GHR: variants seen among roughly 807,000 people sequenced by gnomAD.
GHR encodes the protein growth hormone receptor.
GHR carries 35 observed loss-of-function variants against 67.1 expected under a neutral mutation model. The observed-to-expected ratio is 0.52, with a 90% CI of 0.40 to 0.69. GHR has a LOEUF of 0.69. GHR is among the 30% of genes least tolerant of loss of function. The pLI, the probability that GHR is intolerant of heterozygous loss-of-function variation, is 0.00. For synonymous variants in GHR, 272 were observed against 269.1 expected, an observed-to-expected ratio of 1.01 and a Z score of -0.10; for missense variants, 792 against 764.6, an observed-to-expected ratio of 1.04 and a Z score of -0.42.
At chr5:42,468,034 A>G (rs1744813525) in intron 1 of GHR, 1 of 816,826 alleles carries the variant, frequency 1.2e-6, no homozygotes, top group Middle Eastern at 2.3e-4. Flanking sequence ...CTTAAGGATC[A>G]GCTTTCTGGA....
chr5:42,531,368 C>T (rs1281108466), intron 1 of GHR, among the ~76,000 whole-genome samples: 1 of 152,014 alleles, frequency 6.6e-6, no homozygotes, highest in Non-Finnish European at 1.5e-5. Context: ...ATGGTTAGAA[C>T]TTATGAGTAG....
intron 1 of GHR, chr5:42,466,851 A>G (rs1744754363): frequency 1.4e-6 from 2 of 1,394,670 alleles, no homozygotes; most frequent in Admixed American, 2.5e-5. Context: ...GCAGAAGGTT[A>G]TGACCAATGC....
chr5:42,438,788 C>T (rs1003539885), intron 1 of GHR, among the ~76,000 whole-genome samples: 1 of 152,110 alleles, frequency 6.6e-6, no homozygotes, highest in African/African-American at 2.4e-5. Context: ...CCTTGACACC[C>T]AGTGGAGCCT....
At chr5:42,624,936 C>T (rs369924654) in intron 2 of GHR, among the ~76,000 whole-genome samples, 6 of 152,198 alleles carry the variant, frequency 3.9e-5, no homozygotes, top group Non-Finnish European at 4.4e-5. Context: ...TTTGCTTTCC[C>T]GCCACTTTAA....
intron 1 of GHR, among the ~76,000 whole-genome samples, chr5:42,510,952 G>A (rs1422511529): frequency 2.6e-5 from 4 of 152,170 alleles, no homozygotes; most frequent in Non-Finnish European, 4.4e-5. Flanking sequence ...TCCTGCTAAG[G>A]TTATAATTCT....
Position 42,497,945 on chromosome 5 carries a change from ACAAT to A in GHR, c.-11-67914_-11-67911del, listed in dbSNP as rs962855045. ...CAGTATCTTCAGGCCCTGAAGTCAT[ACAAT>A]CAATGGATTGCTTTTCCTCTTCACT... On this transcript the variant is annotated intron_variant, in intron 1 of 9. Transcript: ENST00000230882. Among the ~76,000 whole-genome samples, 60 of 152,296 alleles carry A rather than the reference ACAAT, an allele frequency of 3.9e-4. 1 individual carries two copies. The highest frequency in any genetic ancestry group is 1.3e-3 in the African/African-American group (56 of 41,578).
intron 1 of GHR, among the ~76,000 whole-genome samples, chr5:42,482,915 G>T (rs1745717138): frequency 6.6e-6 from 1 of 152,316 alleles, no homozygotes; most frequent in East Asian, 1.9e-4. Context: ...GCACACCCCA[G>T]TGAGATGAAC....
rs75894806 is a variant in GHR, at chr5:42,583,036, G to A, written c.70+17092G>A. Among the ~76,000 whole-genome samples the A allele has an allele frequency of 2.9e-3, 437 of 152,338 alleles. 4 individuals are homozygous for A. Among genetic ancestry groups the A allele is most frequent in the African/African-American group, 0.01 (418 of 41,574 alleles). ...AGCATAGCCTACCAGGCCGTTGGCA[G>A]AACAAGCCCATTGGGCCCGAGCAAA... On this transcript the variant is annotated intron_variant, in intron 2 of 9. Transcript: ENST00000230882.
chr5:42,499,661 G>T (rs1321769719), intron 1 of GHR, among the ~76,000 whole-genome samples: 1 of 152,138 alleles, frequency 6.6e-6, no homozygotes, highest in African/African-American at 2.4e-5. Flanking sequence ...AATCCCCCTT[G>T]CTTGGTCACT....
At chr5:42,550,114 G>C (rs1302240373) in intron 1 of GHR, 16 of 966,816 alleles carry the variant, frequency 1.7e-5, no homozygotes, top group Admixed American at 1.2e-4. Flanking sequence ...GTATGAGCCT[G>C]GGGTAAGTGT....
chr5:42,660,009 G>A (rs1755492169), intron 3 of GHR, among the ~76,000 whole-genome samples: 1 of 152,186 alleles, frequency 6.6e-6, no homozygotes, highest in East Asian at 1.9e-4. Flanking sequence ...CTGATTGCTA[G>A]CACAGCAGTC....
At position 42,481,025 on chromosome 5, in the gene GHR, C is replaced by A. The variant is rs1207434062; in HGVS notation, c.-12+57070C>A. On this transcript the variant is annotated intron_variant, in intron 1 of 9. Transcript: ENST00000230882. ...TGGCATGTTTTTGCAGTGGCTGGTA[C>A]CGGTTGTTCCTTTCCATGTTTAGTG... Among the ~76,000 whole-genome samples the A allele has an allele frequency of 2.0e-5, 3 of 152,154 alleles. No homozygotes were observed. In the East Asian group the frequency reaches 5.8e-4, roughly 29 times the overall value.
chr5:42,425,756 C>T (rs1330491815), intron 1 of GHR, among the ~76,000 whole-genome samples: 2 of 152,190 alleles, frequency 1.3e-5, no homozygotes, highest in African/African-American at 4.8e-5. Flanking sequence ...TCATCTTCTT[C>T]CACCCTTATA....
intron 2 of GHR, among the ~76,000 whole-genome samples, chr5:42,568,014 T>A (rs1243062851): frequency 6.6e-6 from 1 of 152,132 alleles, no homozygotes; most frequent in Non-Finnish European, 1.5e-5. Flanking sequence ...ATTAAATTTT[T>A]AAAAAGAAAA....
chr5:42,583,581 G>A (rs1751309134), intron 2 of GHR, among the ~76,000 whole-genome samples: 1 of 152,180 alleles, frequency 6.6e-6, no homozygotes, highest in Non-Finnish European at 1.5e-5. Context: ...CTACAGCTAT[G>A]CCAGAAATCG....
intron 1 of GHR, among the ~76,000 whole-genome samples, chr5:42,493,144 TG>T (rs1746185207): frequency 6.6e-6 from 1 of 152,204 alleles, no homozygotes; most frequent in African/African-American, 2.4e-5. Context: ...GGGCGTTTTC[TG>T]GTTTCAGTGA....
chr5:42,510,114 G>A lies in GHR; in HGVS notation c.-11-55750G>A, dbSNP rs140605429. ...GCAGTTGGTGACATTCCATCCTTTG[G>A]TTGCTTGGGTTAAAAAATGTTGGAG... On this transcript the variant is annotated intron_variant, in intron 1 of 9. Transcript: ENST00000230882. Among the ~76,000 whole-genome samples, 602 of 152,118 alleles carry A rather than the reference G, an allele frequency of 4.0e-3. 2 individuals are homozygous for A. The highest frequency in any genetic ancestry group is 0.014 in the African/African-American group (564 of 41,474).
At chr5:42,705,768 G>A (rs955756040) in intron 6 of GHR, among the ~76,000 whole-genome samples, 1 of 152,062 alleles carries the variant, frequency 6.6e-6, no homozygotes, top group Admixed American at 6.6e-5. Flanking sequence ...GTATTCCATG[G>A]TGTACATATA....
At chr5:42,684,497 T>C (rs1327610080) in intron 3 of GHR, among the ~76,000 whole-genome samples, 1 of 152,254 alleles carries the variant, frequency 6.6e-6, no homozygotes, top group Non-Finnish European at 1.5e-5. Context: ...TTTTCAGTGC[T>C]TCAACTAATA....
Sources: gnomAD v4.1 joint callset for allele counts (sites outside exome capture counted in the v4.1 genomes callset) on GRCh38, gnomAD v4.1.1 for gene constraint, MANE v1.5 for transcripts, NCBI Gene and HGNC (gene_info 2026-07-23, HGNC 2026-07-21) for gene names.